The following KCNQ1 variants were observed in gnomAD, a reference collection of about 807,000 sequenced individuals.
KCNQ1 encodes potassium voltage-gated channel subfamily KQT member 1.
Under a neutral mutation model 72.4 loss-of-function variants are expected in KCNQ1, and 49 were observed. The observed-to-expected ratio is 0.68, with a 90% CI of 0.54 to 0.86. The LOEUF (loss-of-function observed/expected upper bound fraction) is 0.86, where lower values mean the gene tolerates loss of function less well. Ranked by LOEUF, KCNQ1 falls within the 40% of genes least tolerant of loss-of-function variation. KCNQ1 has a pLI of 0.00. For missense variants in KCNQ1, 790 were observed against 945.1 expected, an observed-to-expected ratio of 0.84 and a Z score of 2.15; for synonymous variants, 450 against 412.6, an observed-to-expected ratio of 1.09 and a Z score of -1.10.
At chr11:2,648,988 T>C (rs410244) in intron 10 of KCNQ1, 35,507 of 321,962 alleles carry the variant, frequency 0.11, 697 homozygotes, top group Middle Eastern at 0.15. Context: ...TTTCTTTTTT[T>C]TTTTTTTTTT....
chr11:2,776,866 A>C (rs1445432129), intron 13 of KCNQ1, 120 bp from the exon 14 acceptor site: 3 of 985,672 alleles, frequency 3.0e-6, no homozygotes, highest in Non-Finnish European at 4.8e-6. Context: ...GGGTGTCCCC[A>C]GAGTGGGTGG....
At position 2,669,422 on chromosome 11, in the gene KCNQ1, G is replaced by C. The variant is rs781419555; in HGVS notation, c.1514+7341G>C. 2.5e-6 allele frequency: 1 copy of C among 398,622 alleles called. No individual in the cohort carries two copies. Among genetic ancestry groups the C allele is most frequent in the African/African-American group, 2.1e-5 (1 of 48,738 alleles). 24.7% of individuals were successfully genotyped at this position (398,622 alleles called of 1,614,324 possible). A position where few individuals can be genotyped will look rare whatever the true frequency, so the allele number is the denominator to read the frequency against. ...GCATCATGTGTCCCTTGTTTATTTAGGTTGACTTTCATATCTTTTACCTTG... is the reference window on the plus strand; with the variant it reads ...GCATCATGTGTCCCTTGTTTATTTACGTTGACTTTCATATCTTTTACCTTG... On this transcript the variant is annotated intron_variant, in intron 11 of 15. Coordinates refer to ENST00000155840, the MANE Select transcript of KCNQ1 (RefSeq NM_000218.3). This position sits in a 1 kb window ranked among gnomAD's most constrained non-coding sequence, Gnocchi z 5.6.
chr11:2,627,438 C>T lies in KCNQ1; in HGVS notation c.1394-34523C>T. 2.5e-6 allele frequency: 1 copy of T among 398,460 alleles called. No individual in the cohort carries two copies. Among genetic ancestry groups the T allele is most frequent in the Non-Finnish European group, 4.4e-6 (1 of 226,028 alleles). 24.7% of individuals were successfully genotyped at this position (398,460 alleles called of 1,614,324 possible). On this transcript the variant is annotated intron_variant, in intron 10 of 15. Coordinates refer to ENST00000155840, the MANE Select transcript of KCNQ1 (RefSeq NM_000218.3). This position sits in a 1 kb window ranked among gnomAD's most constrained non-coding sequence, Gnocchi z 4.9. The stretch of plus-strand genomic sequence containing the variant: ...CATCTGATAACTCTATGTTTGTACC[C>T]TTCAACATTTCCTATTTCCCCTACT...
intron 11 of KCNQ1, among the ~76,000 whole-genome samples, chr11:2,742,559 C>G (rs1432645894): frequency 6.6e-6 from 1 of 152,234 alleles, no homozygotes; most frequent in Non-Finnish European, 1.5e-5. Flanking sequence ...GCAGTTTACA[C>G]TTTGCAGCTG....
chr11:2,693,551 C>A (rs1166541336), intron 11 of KCNQ1: 2 of 398,624 alleles, frequency 5.0e-6, no homozygotes, highest in Admixed American at 4.4e-5. Flanking sequence ...AGGTTGAGCC[C>A]AAGGCTTTTC....
At chr11:2,470,599 G>C (rs1196206198) in intron 1 of KCNQ1, among the ~76,000 whole-genome samples, 1 of 151,936 alleles carries the variant, frequency 6.6e-6, no homozygotes, top group Non-Finnish European at 1.5e-5. Flanking sequence ...TCAAGGGAGG[G>C]GGTGTGATGA....
In KCNQ1 at chr11:2,665,472, A is replaced by G. The variant is rs1351660155; in HGVS notation, c.1514+3391A>G. The stretch of plus-strand genomic sequence containing the variant: ...GTCACTGGCACGACAGTGGGTGGGG[A>G]CGGTGCCATGCCTGTGTGCATCCCT... On this transcript the variant is annotated intron_variant, in intron 11 of 15. Coordinates refer to ENST00000155840, the MANE Select transcript of KCNQ1 (RefSeq NM_000218.3). 15 of 396,158 alleles carry G rather than the reference A, an allele frequency of 3.8e-5. No homozygotes were observed. In the East Asian group the frequency reaches 5.4e-4, roughly 14 times the overall value. The allele number at this position is 396,158 out of a possible 1,614,324, so 24.5% of individuals were successfully genotyped here.
intron 11 of KCNQ1, among the ~76,000 whole-genome samples, chr11:2,717,238 A>G (rs1226596929): frequency 2.0e-5 from 3 of 152,144 alleles, no homozygotes; most frequent in Non-Finnish European, 2.9e-5. Context: ...TGGTCGGGTC[A>G]CCTGGGCCAT....
rs1156780624 is a variant in KCNQ1, at chr11:2,683,165, AGCATCT to A, written c.1514+21089_1514+21094del. 2.5e-6 allele frequency: 1 copy of A among 398,528 alleles called. No homozygotes were observed. The highest frequency in any genetic ancestry group is 4.4e-6 in the Non-Finnish European group (1 of 226,088). 24.7% of individuals were successfully genotyped at this position (398,528 alleles called of 1,614,324 possible). ...TGGGCTAGCATTAGGAATGGGTATT[AGCATCT>A]GCATTAAAAGGCTCCCACTGACAGC... On this transcript the variant is annotated intron_variant, in intron 11 of 15. Coordinates refer to ENST00000155840, the MANE Select transcript of KCNQ1 (RefSeq NM_000218.3). The surrounding 1 kb of genome is among the most constrained non-coding windows in gnomAD (Gnocchi z 4.7).
intron 1 of KCNQ1, among the ~76,000 whole-genome samples, chr11:2,510,948 C>T (rs1164190439): frequency 1.3e-5 from 2 of 152,252 alleles, no homozygotes; most frequent in East Asian, 3.8e-4. Flanking sequence ...TAGCTCTCTA[C>T]CCGATTCAGA....
chr11:2,615,114 T>C, intron 10 of KCNQ1: 1 of 398,360 alleles, frequency 2.5e-6, no homozygotes, highest in Non-Finnish European at 4.4e-6. Context: ...TTTCACCTTC[T>C]TGTTTTAATT....
intron 6 of KCNQ1, among the ~76,000 whole-genome samples, chr11:2,576,632 T>G (rs1413494183): frequency 6.6e-6 from 1 of 152,230 alleles, no homozygotes; most frequent in East Asian, 1.9e-4. Flanking sequence ...TGCTGTTCAC[T>G]CTCTCCTCAC....
Position 2,588,942 on chromosome 11 carries a change from C to A in KCNQ1, c.1393+88C>A. The A allele has an allele frequency of 6.7e-7, 1 of 1,486,804 alleles. No homozygotes were observed. Among genetic ancestry groups the A allele is most frequent in the Non-Finnish European group, 9.2e-7 (1 of 1,087,140 alleles). 92.1% of individuals were successfully genotyped at this position (1,486,804 alleles called of 1,614,324 possible). ...CCCGAGCAAGCCAGTGAGTTTCTCC[C>A]TTGGGCTGTGGTCTCTGACAACGAG... On this transcript the variant is annotated intron_variant, in intron 10 of 15. Transcript: ENST00000155840. This position sits in a 1 kb window ranked among gnomAD's most constrained non-coding sequence, Gnocchi z 5.6.
rs1589989354 is a variant in KCNQ1 at position 2,626,172 on chromosome 11, T to A, written c.1394-35789T>A. The A allele has an allele frequency of 7.5e-6, 3 of 398,484 alleles. No individual in the cohort carries two copies. The highest frequency in any genetic ancestry group is 1.3e-5 in the Non-Finnish European group (3 of 226,052). 24.7% of individuals were successfully genotyped at this position (398,484 alleles called of 1,614,324 possible). A position where few individuals can be genotyped will look rare whatever the true frequency, so the allele number is the denominator to read the frequency against. ...TGTAAAGTTTTTCCCCTATGTTTCC[T>A]TATAAGACTTCATAGTTTTAGGACT... On this transcript the variant is annotated intron_variant, in intron 10 of 15. Transcript: ENST00000155840. The surrounding 1 kb of genome is among the most constrained non-coding windows in gnomAD (Gnocchi z 4.0).
rs1305465466 is a variant in KCNQ1 at position 2,563,535 on chromosome 11, C to G, written c.478-7093C>G. On this transcript the variant is annotated intron_variant, in intron 2 of 15. Coordinates refer to ENST00000155840, the MANE Select transcript of KCNQ1 (RefSeq NM_000218.3). The surrounding 1 kb of genome is among the most constrained non-coding windows in gnomAD (Gnocchi z 7.4). Reference sequence around the variant, plus strand: ...TTGAGCTTCCATTTTCCTTCCGCACCATGCACTGATTTCCCCTGGGTTGAG... The same window carrying G: ...TTGAGCTTCCATTTTCCTTCCGCACGATGCACTGATTTCCCCTGGGTTGAG... Among the ~76,000 whole-genome samples the G allele has an allele frequency of 6.6e-6, 1 of 152,216 alleles. No individual in the cohort carries two copies. Among genetic ancestry groups the G allele is most frequent in the Non-Finnish European group, 1.5e-5 (1 of 68,040 alleles).
chr11:2,726,037 A>G (rs1470034256), intron 11 of KCNQ1, among the ~76,000 whole-genome samples: 1 of 152,116 alleles, frequency 6.6e-6, no homozygotes, highest in Non-Finnish European at 1.5e-5. Flanking sequence ...CACTTGGTTC[A>G]CTCCGGCAGA....
At position 2,617,534 on chromosome 11, in the gene KCNQ1, A is replaced by AT. The variant is rs1849087008; in HGVS notation, c.1393+28681dup. On this transcript the variant is annotated intron_variant, in intron 10 of 15. Coordinates refer to ENST00000155840, the MANE Select transcript of KCNQ1 (RefSeq NM_000218.3). This position sits in a 1 kb window ranked among gnomAD's most constrained non-coding sequence, Gnocchi z 4.6. Reference sequence around the variant, plus strand: ...TGCCACAATGAATATAGGAGCGCAGATATCTTTATGAGGTGGAGATTTCAT... The same window carrying AT: ...TGCCACAATGAATATAGGAGCGCAGATTATCTTTATGAGGTGGAGATTTCAT... The AT allele has an allele frequency of 2.5e-6, 1 of 398,388 alleles. No individual in the cohort carries two copies. Among genetic ancestry groups the AT allele is most frequent in the South Asian group, 1.3e-4 (1 of 7,864 alleles). 24.7% of individuals were successfully genotyped at this position (398,388 alleles called of 1,614,324 possible).
intron 10 of KCNQ1, chr11:2,649,726 A>T: frequency 2.5e-6 from 1 of 398,436 alleles, no homozygotes; most frequent in Non-Finnish European, 4.4e-6. Context: ...TGTTTTTTAA[A>T]TTCTCTCTTT....
At chr11:2,700,039 A>C in intron 11 of KCNQ1, 1 of 398,050 alleles carries the variant, frequency 2.5e-6, no homozygotes, top group Non-Finnish European at 4.4e-6. Flanking sequence ...GCCGCTGCCG[A>C]CGTGGCGACC....
Sources: gnomAD v4.1 joint callset for allele counts (sites outside exome capture counted in the v4.1 genomes callset) on GRCh38, gnomAD v4.1.1 for gene constraint, Gnocchi (gnomAD v3.1) non-coding constraint, MANE v1.5 for transcripts, NCBI Gene and HGNC (gene_info 2026-07-23, HGNC 2026-07-21) for gene names.